Variants in PAX9 observed in about 807,000 individuals in gnomAD.
PAX9 encodes the protein paired box 9, also known as paired box protein Pax-9.
PAX9 carries 6 observed loss-of-function variants against 29.1 expected under a neutral mutation model. The ratio of observed to expected loss-of-function variants is 0.21; its 90% confidence interval spans 0.11 to 0.41. The LOEUF (loss-of-function observed/expected upper bound fraction) is 0.41. Ranked by LOEUF, PAX9 falls within the 10% of genes least tolerant of loss-of-function variation. The pLI is 1.00. For missense variants in PAX9, 443 were observed against 479.1 expected (o/e 0.92, Z 0.70); for synonymous variants, 217 against 211.7 (o/e 1.03, Z -0.22).
Position 36,678,883 on chromosome 14 carries a change from A to C in PAX9, c.*2431A>C. The C allele has an allele frequency of 1.0e-6, 1 of 974,496 alleles. No individual in the cohort carries two copies. The highest frequency in any genetic ancestry group is 1.2e-6 in the Non-Finnish European group (1 of 818,772). The allele number at this position is 974,496 out of a possible 1,614,324, so 60.4% of individuals were successfully genotyped here. A position where few individuals can be genotyped will look rare whatever the true frequency, so the allele number is the denominator to read the frequency against. ...AGATACAATTTGCTATTCAAAGAAA[A>C]TTATGATTTAAAGCCACTTTTTAAA... On this transcript the variant is annotated 3_prime_UTR_variant, in exon 4 of 4. Coordinates refer to ENST00000361487, the MANE Select transcript of PAX9 (RefSeq NM_001372076.1).
intron 3 of PAX9, among the ~76,000 whole-genome samples, chr14:36,666,803 C>T (rs1344045653): frequency 6.6e-6 from 1 of 152,240 alleles, no homozygotes; most frequent in East Asian, 1.9e-4. Flanking sequence ...GCCTCGACCC[C>T]CGCCAGGGGC....
At chr14:36,664,769 T>C (rs1881425823) in intron 2 of PAX9, among the ~76,000 whole-genome samples, 1 of 152,162 alleles carries the variant, frequency 6.6e-6, no homozygotes, top group Admixed American at 6.5e-5. Context: ...CTTTCTTGGT[T>C]GCCACCACAT....
rs562369219 is a variant in PAX9 at position 36,674,774 on chromosome 14, A to C, written c.772-1424A>C. On this transcript the variant is annotated intron_variant, in intron 3 of 3. Transcript: ENST00000361487. ...CCCTATTTTCAAAGAACCAACATTG[A>C]AAAACACAACATGAGGTGTTTGTTC... Among the ~76,000 whole-genome samples, 7 of 152,354 alleles carry C rather than the reference A, an allele frequency of 4.6e-5. No individual in the cohort carries two copies. In the South Asian group the frequency reaches 1.5e-3, roughly 32 times the overall value.
chr14:36,678,544 G>C lies in PAX9; in HGVS notation c.*2092G>C. 6.5e-7 allele frequency: 1 copy of C among 1,536,614 alleles called. No homozygotes were observed. The highest frequency in any genetic ancestry group is 8.7e-7 in the Non-Finnish European group (1 of 1,146,608). On this transcript the variant is annotated 3_prime_UTR_variant, in exon 4 of 4. Coordinates refer to ENST00000361487, the MANE Select transcript of PAX9 (RefSeq NM_001372076.1). ...AAAGATCCAATCCAATATTTTGGTG[G>C]AGACTTCTTTAAAACCATACCATAC...
In PAX9 at chr14:36,666,472, C is replaced by T; in HGVS notation, c.642C>T (p.Ser214=). 6.2e-7 allele frequency: 1 copy of T among 1,610,710 alleles called. No homozygotes were observed. The highest frequency in any genetic ancestry group is 1.1e-5 in the South Asian group (1 of 90,368). Residue 214 remains serine, a synonymous_variant, in exon 3 of 4, where the codon AGC becomes AGT. Transcript: ENST00000361487. ...IRSITDQVSD[S]SPYHSPKVEE... is the part of the protein sequence containing the mutation. ...TCTTCTCTCCATCAGTGAGCGACAGCTCCCCCTACCACAGCCCCAAGGTGG... is the reference window on the plus strand; with the variant it reads ...TCTTCTCTCCATCAGTGAGCGACAGTTCCCCCTACCACAGCCCCAAGGTGG...
At chr14:36,667,038 G>C (rs1359122068) in intron 3 of PAX9, among the ~76,000 whole-genome samples, 1 of 152,184 alleles carries the variant, frequency 6.6e-6, no homozygotes, top group East Asian at 1.9e-4. Flanking sequence ...CCCGCGAAAC[G>C]CGCGCCCCGG....
intron 3 of PAX9, among the ~76,000 whole-genome samples, chr14:36,672,785 G>T (rs2415357): frequency 0.65 from 81,159 of 124,734 alleles, 24,082 homozygotes; most frequent in East Asian, 0.79. Context: ...ATTTATGTTT[G>T]TTTTTTTTTT....
Position 36,676,353 on chromosome 14 carries a change from ATT to A in PAX9, c.928_929del (p.Leu310ValfsTer6). 1 of 1,613,986 alleles carries A rather than the reference ATT, an allele frequency of 6.2e-7. No individual in the cohort carries two copies. The highest frequency in any genetic ancestry group is 8.5e-7 in the Non-Finnish European group (1 of 1,179,984). ...GGTGGCAACATGCTGGGGGCACCTCATTGTCTCCCCACAACTGTGACATTCCG... is the reference window on the plus strand; with the variant it reads ...GGTGGCAACATGCTGGGGGCACCTCAGTCTCCCCACAACTGTGACATTCCG... ...HGWQHAGGTS[L>X]SPHNCDIPAS... On this transcript the variant is annotated frameshift_variant, in exon 4 of 4. Transcript: ENST00000361487. LOFTEE classifies it high-confidence loss of function.
intron 2 of PAX9, 39 bp downstream of exon 2, chr14:36,663,562 C>T (rs1881374583): frequency 6.2e-7 from 1 of 1,611,376 alleles, no homozygotes; most frequent in Non-Finnish European, 8.5e-7. Flanking sequence ...TGTGCAGCGT[C>T]TGCCCCCGCA....
At position 36,678,849 on chromosome 14, in the gene PAX9, A is replaced by AAAG. The variant is rs573702890; in HGVS notation, c.*2399_*2401dup. Reference sequence around the variant, plus strand: ...GTGAATTCACATGGAGTAATTTTTAAAAGATATCAGATACAATTTGCTATT... The same window carrying AAAG: ...GTGAATTCACATGGAGTAATTTTTAAAAGAAGATATCAGATACAATTTGCTATT... On this transcript the variant is annotated 3_prime_UTR_variant, in exon 4 of 4. Transcript: ENST00000361487. 26 of 978,894 alleles carry AAAG rather than the reference A, an allele frequency of 2.7e-5. No individual in the cohort carries two copies. Among genetic ancestry groups the AAAG allele is most frequent in the African/African-American group, 2.3e-4 (13 of 57,642 alleles). The allele number at this position is 978,894 out of a possible 1,614,324, so 60.6% of individuals were successfully genotyped here.
Position 36,662,102 on chromosome 14 carries a change from C to T in PAX9, c.4+9C>T. The T allele has an allele frequency of 9.1e-7, 1 of 1,102,422 alleles. No individual in the cohort carries two copies. Among genetic ancestry groups the T allele is most frequent in the Non-Finnish European group, 1.1e-6 (1 of 886,802 alleles). The allele number at this position is 1,102,422 out of a possible 1,614,324, so 68.3% of individuals were successfully genotyped here. On this transcript the variant is annotated intron_variant, in intron 1 of 3. Coordinates refer to ENST00000361487, the MANE Select transcript of PAX9 (RefSeq NM_001372076.1). The stretch of plus-strand genomic sequence containing the variant: ...ACTGCTCGGAGCAATGGGTGAGTGG[C>T]GGCGGGGGACTCTGTCAGAGCCGGG...
At position 36,674,952 on chromosome 14, in the gene PAX9, C is replaced by A. The variant is rs77474648; in HGVS notation, c.772-1246C>A. Among the ~76,000 whole-genome samples, 383 of 152,320 alleles carry A rather than the reference C, an allele frequency of 2.5e-3. 1 individual carries two copies. Among genetic ancestry groups the A allele is most frequent in the African/African-American group, 8.6e-3 (358 of 41,576 alleles). On this transcript the variant is annotated intron_variant, in intron 3 of 3. Transcript: ENST00000361487. ...GAAAATAGTTTTTGAGACCGCACCA[C>A]TGCATTCTCATAGATGTAGAAGTGA...
At chr14:36,661,731 C>A (rs540112665), upstream of PAX9, 23 of 387,566 alleles carry the variant, frequency 5.9e-5, no homozygotes, top group Non-Finnish European at 8.3e-5. Context: ...AAAGAGACAG[C>A]GGAAGGAGTT....
At chr14:36,671,081 G>T (rs1395608028) in intron 3 of PAX9, 1 of 437,704 alleles carries the variant, frequency 2.3e-6, no homozygotes, top group Non-Finnish European at 4.5e-6. Flanking sequence ...TGATATCGAG[G>T]TTGAAATTCT....
chr14:36,664,122 C>G (rs1314930372), intron 2 of PAX9, among the ~76,000 whole-genome samples: 1 of 152,182 alleles, frequency 6.6e-6, no homozygotes, highest in Non-Finnish European at 1.5e-5. Flanking sequence ...ATGGAGGTCC[C>G]GAAGTTACTA....
chr14:36,662,594 A>C, intron 1 of PAX9: 1 of 504,310 alleles, frequency 2.0e-6, no homozygotes, highest in African/African-American at 1.9e-5. Flanking sequence ...TCAGGCGTCA[A>C]GACCGATTTC....
rs751662995 is a variant in PAX9 at position 36,676,357 on chromosome 14, T to G, written c.931T>G (p.Ser311Ala). 4 of 1,613,994 alleles carry G rather than the reference T, an allele frequency of 2.5e-6. No individual in the cohort carries two copies. The South Asian group carries it at 4.4e-5, about 18-fold the overall frequency. ...GCAACATGCTGGGGGCACCTCATTG[T>G]CTCCCCACAACTGTGACATTCCGGC... ...GWQHAGGTSL[S>A]PHNCDIPASL... The change falls in exon 4 of 4, where the codon TCT (serine) becomes GCT (alanine). Residue 311 changes from serine to alanine, a missense_variant. Ser to Ala is a moderately conservative substitution (Grantham distance 99). Coordinates refer to ENST00000361487, the MANE Select transcript of PAX9 (RefSeq NM_001372076.1).
upstream of PAX9, among the ~76,000 whole-genome samples, chr14:36,659,359 C>A (rs34914085): frequency 0.16 from 23,735 of 152,138 alleles, 2,432 homozygotes; most frequent in East Asian, 0.3. Context: ...CTCGGTCGGT[C>A]TCAGCGGGTC....
intron 3 of PAX9, among the ~76,000 whole-genome samples, chr14:36,667,384 G>A (rs1283794325): frequency 6.6e-6 from 1 of 151,194 alleles, no homozygotes; most frequent in African/African-American, 2.4e-5. Context: ...CCAGATTTAA[G>A]TCTAAATTCA....
Sources: allele counts gnomAD v4.1 joint callset (sites outside exome capture counted in the v4.1 genomes callset), GRCh38; gene constraint gnomAD v4.1.1; transcripts MANE v1.5; gene names NCBI Gene and HGNC (gene_info 2026-07-23, HGNC 2026-07-21).